Variants in SGK1 observed in about 807,000 individuals in gnomAD.
The protein encoded by SGK1 is serum/glucocorticoid regulated kinase 1.
In SGK1, 26 loss-of-function variants were observed where a neutral mutation model predicts 64.2. That is an observed-to-expected ratio of 0.40 (90% CI 0.30 to 0.56). SGK1 has a LOEUF of 0.56. SGK1 is among the 20% of genes least tolerant of loss of function. SGK1 has a pLI of 0.38. For synonymous variants in SGK1, 265 were observed against 239.7 expected (o/e 1.11, Z -0.98); for missense variants, 519 against 645.6 (o/e 0.80, Z 2.12).
intron 3 of SGK1, among the ~76,000 whole-genome samples, chr6:134,181,854 T>C (rs886278901): frequency 2.6e-5 from 4 of 152,200 alleles, no homozygotes; most frequent in African/African-American, 9.6e-5. Context: ...ACCTGTGAGT[T>C]TTTTTTGTTT....
chr6:134,237,845 T>A (rs1776387344), intron 2 of SGK1, among the ~76,000 whole-genome samples: 1 of 152,194 alleles, frequency 6.6e-6, no homozygotes, highest in South Asian at 2.1e-4. Context: ...CAAGCAATAG[T>A]ATACTGAAGA....
intron 3 of SGK1, among the ~76,000 whole-genome samples, chr6:134,198,916 C>T (rs1006683430): frequency 3.3e-5 from 5 of 151,826 alleles, no homozygotes; most frequent in Admixed American, 2.0e-4. Context: ...GACAAGGTGT[C>T]GCTCCGTCAC....
At chr6:134,273,801 C>A (rs1562271477) in intron 1 of SGK1, among the ~76,000 whole-genome samples, 1 of 151,198 alleles carries the variant, frequency 6.6e-6, no homozygotes, top group East Asian at 1.9e-4. Flanking sequence ...ATGAGGGGAC[C>A]CTGAAGTATT....
intron 3 of SGK1, among the ~76,000 whole-genome samples, chr6:134,200,786 C>T (rs1274837063): frequency 1.3e-5 from 2 of 151,978 alleles, no homozygotes; most frequent in Non-Finnish European, 2.9e-5. Flanking sequence ...TGCTTATAGT[C>T]CCAGCTTCTT....
At chr6:134,173,224 T>C (rs1403113288) in intron 7 of SGK1, 50 bp downstream of exon 7, 2 of 1,610,058 alleles carry the variant, frequency 1.2e-6, no homozygotes. Flanking sequence ...ATCAAGATTA[T>C]TCAAGGAGTG....
intron 2 of SGK1, among the ~76,000 whole-genome samples, chr6:134,240,048 T>C (rs971165289): frequency 2.6e-5 from 4 of 152,076 alleles, no homozygotes; most frequent in South Asian, 2.1e-4. Context: ...TCCCAGCACG[T>C]TGGGGGGCCA....
At chr6:134,256,589 T>G (rs1351241977) in intron 2 of SGK1, among the ~76,000 whole-genome samples, 1 of 152,200 alleles carries the variant, frequency 6.6e-6, no homozygotes, top group Non-Finnish European at 1.5e-5. Context: ...TGTGAATACG[T>G]TTAGTCAGCA....
At chr6:134,172,637 T>C in intron 9 of SGK1, 25 bp downstream of exon 9, 2 of 1,416,984 alleles carry the variant, frequency 1.4e-6, no homozygotes, top group Non-Finnish European at 2.0e-6. Flanking sequence ...CCAAAACTGG[T>C]AGCCTGAAGA....
rs779318781 is a variant in SGK1 at position 134,174,795 on chromosome 6, T to C, written c.362-209A>G. 4.3e-6 allele frequency: 7 copies of C among 1,614,048 alleles called. No individual in the cohort carries two copies. In the Admixed American group the frequency reaches 6.7e-5, roughly 15 times the overall value. On this transcript the variant is annotated intron_variant, in intron 3 of 13. Coordinates refer to ENST00000367858, the MANE Select transcript of SGK1 (RefSeq NM_001143676.3). The stretch of plus-strand genomic sequence containing the variant: ...GTGAGGGTGCCCTTAGCAGCCTCAG[T>C]TTTCACCGTCATCACCACCGCGGGG...
At chr6:134,305,999 G>T (rs1406768515) in intron 1 of SGK1, among the ~76,000 whole-genome samples, 2 of 152,150 alleles carry the variant, frequency 1.3e-5, no homozygotes, top group African/African-American at 4.8e-5. Flanking sequence ...GGGTTTAATT[G>T]TATGTAAAAG....
intron 2 of SGK1, among the ~76,000 whole-genome samples, chr6:134,242,082 G>A (rs1418533576): frequency 1.3e-5 from 2 of 152,202 alleles, no homozygotes; most frequent in Non-Finnish European, 2.9e-5. Flanking sequence ...ATAGGCCAGA[G>A]ACAAGTGAGG....
chr6:134,171,574 G>A, intron 11 of SGK1, 63 bp downstream of exon 11: 1 of 1,164,618 alleles, frequency 8.6e-7, no homozygotes, highest in Non-Finnish European at 1.3e-6. Flanking sequence ...CCAAGCATGG[G>A]CTGTGTGAAG....
intron 1 of SGK1, among the ~76,000 whole-genome samples, chr6:134,273,359 G>A (rs531686690): frequency 6.8e-6 from 1 of 146,854 alleles, no homozygotes; most frequent in African/African-American, 2.4e-5. Context: ...GGGAGGCCGA[G>A]GTGGGCGGAT....
chr6:134,228,914 G>A (rs1370056870), intron 2 of SGK1, among the ~76,000 whole-genome samples: 1 of 144,598 alleles, frequency 6.9e-6, no homozygotes, highest in Non-Finnish European at 1.5e-5. Context: ...CGCGATCTCC[G>A]TTCACTGCAA....
intron 2 of SGK1, among the ~76,000 whole-genome samples, chr6:134,225,351 G>GAAAA (rs780987311): frequency 1.0e-5 from 1 of 97,870 alleles, no homozygotes; most frequent in Non-Finnish European, 2.1e-5. Context: ...ACTCCATCTC[G>GAAAA]GAAAAAAAAA....
At position 134,261,985 on chromosome 6, in the gene SGK1, A is replaced by T; in HGVS notation, c.233T>A (p.Val78Asp). The change falls in exon 2 of 14, where the codon GTT becomes GAT. Residue 78 changes from valine to aspartate, a missense_variant. By Grantham distance (152) the Val-to-Asp change is radical (BLOSUM62 -3). Transcript: ENST00000367858. ...ACATGACTCGTTCTCCTGAGGGAGAACCCCTCTTTGGAAAGCATGTTCACC... is the reference window on the plus strand; with the variant it reads ...ACATGACTCGTTCTCCTGAGGGAGATCCCCTCTTTGGAAAGCATGTTCACC... ...CLGEHAFQRG[V>D]LPQENESCSW... 6.2e-7 allele frequency: 1 copy of T among 1,612,118 alleles called. No individual in the cohort carries two copies. The highest frequency in any genetic ancestry group is 8.5e-7 in the Non-Finnish European group (1 of 1,179,238).
chr6:134,215,410 C>G lies in SGK1; in HGVS notation c.286-7979G>C, dbSNP rs944870148. Among the ~76,000 whole-genome samples, 9 of 151,762 alleles carry G rather than the reference C, an allele frequency of 5.9e-5. No homozygotes were observed. In the South Asian group the frequency reaches 8.3e-4, roughly 14 times the overall value. ...GGATTACAGGCATGAGCCACGGCGC[C>G]TGGCCGAGAGTAAGTTATTAATAGT... On this transcript the variant is annotated intron_variant, in intron 2 of 13. Transcript: ENST00000367858.
intron 2 of SGK1, among the ~76,000 whole-genome samples, chr6:134,243,542 T>C (rs1776479739): frequency 6.6e-6 from 1 of 152,152 alleles, no homozygotes; most frequent in African/African-American, 2.4e-5. Flanking sequence ...GCTAAGTTTG[T>C]ATTTTCAGTA....
chr6:134,181,147 A>G (rs1330430959), intron 3 of SGK1, among the ~76,000 whole-genome samples: 1 of 152,026 alleles, frequency 6.6e-6, no homozygotes, highest in African/African-American at 2.4e-5. Context: ...CCTAAGACAC[A>G]CATATTAAAG....
Sources: allele counts gnomAD v4.1 joint callset (sites outside exome capture counted in the v4.1 genomes callset), GRCh38; gene constraint gnomAD v4.1.1; transcripts MANE v1.5; gene names NCBI Gene and HGNC (gene_info 2026-07-23, HGNC 2026-07-21).